PARVA: variants seen among roughly 807,000 people sequenced by gnomAD.
PARVA encodes the protein parvin alpha, also known as alpha-parvin.
PARVA carries 25 observed loss-of-function variants against 52.6 expected under a neutral mutation model. That is an observed-to-expected ratio of 0.48 (90% confidence interval 0.35 to 0.66). PARVA has a LOEUF of 0.66. PARVA is among the 30% of genes least tolerant of loss of function. The pLI, the probability that PARVA is intolerant of heterozygous loss-of-function variation, is 0.01. For missense variants in PARVA, 373 were observed against 450.9 expected, an observed-to-expected ratio of 0.83 and a Z score of 1.56; for synonymous variants, 185 against 179.1, an observed-to-expected ratio of 1.03 and a Z score of -0.26.
At chr11:12,406,540 T>A (rs2134969843) in intron 1 of PARVA, among the ~76,000 whole-genome samples, 1 of 152,254 alleles carries the variant, frequency 6.6e-6, no homozygotes, top group Middle Eastern at 3.4e-3. Context: ...ATGAACATTT[T>A]CCCGTAACAC....
At chr11:12,516,702 C>T (rs563080441) in intron 10 of PARVA, among the ~76,000 whole-genome samples, 19 of 152,344 alleles carry the variant, frequency 1.2e-4, no homozygotes, top group Admixed American at 4.6e-4. Context: ...GTAATAGCAA[C>T]ATTTAATATT....
At position 12,534,404 on chromosome 11, in the gene PARVA, G is replaced by A. The variant is rs1246015601; in HGVS notation, c.*6479G>A. Among the ~76,000 whole-genome samples the A allele has an allele frequency of 6.6e-6, 1 of 152,136 alleles. No individual in the cohort carries two copies. The highest frequency in any genetic ancestry group is 1.5e-5 in the Non-Finnish European group (1 of 68,028). On this transcript the variant is annotated 3_prime_UTR_variant, in exon 13 of 13. Transcript: ENST00000334956. ...CCTGGGCTGAGCAGCCTGTGTTCCT[G>A]CCTCAACTCCCCTGAACCCTCCTGA...
At chr11:12,510,135 T>C (rs987624524) in intron 7 of PARVA, among the ~76,000 whole-genome samples, 1 of 152,158 alleles carries the variant, frequency 6.6e-6, no homozygotes, top group African/African-American at 2.4e-5. Flanking sequence ...TTGATATTGA[T>C]AGTAAACACA....
In PARVA at chr11:12,518,510, G is replaced by A. The variant is rs756278564; in HGVS notation, c.1035G>A (p.Arg345=). 3.7e-6 allele frequency: 6 copies of A among 1,612,446 alleles called. 1 individual carries two copies. The South Asian group carries it at 6.6e-5, about 18-fold the overall frequency. The change falls in exon 12 of 13, where the codon CGG becomes CGA. Residue 345 remains arginine (R), a synonymous_variant. Transcript: ENST00000334956. ...QDGGLEKPKP[R]PEDIVNCDLK... is the part of the protein sequence containing the mutation. ...GAGGGTTGGAAAAGCCAAAACCGCGGCCAGAAGGTACTTTGCTCTTTCCTG... is the reference window on the plus strand; with the variant it reads ...GAGGGTTGGAAAAGCCAAAACCGCGACCAGAAGGTACTTTGCTCTTTCCTG...
chr11:12,434,693 C>T (rs1443107380), intron 1 of PARVA, among the ~76,000 whole-genome samples: 6 of 152,144 alleles, frequency 3.9e-5, no homozygotes, highest in African/African-American at 1.4e-4. Flanking sequence ...GGCCTCTATC[C>T]TTCCAGACCC....
intron 1 of PARVA, among the ~76,000 whole-genome samples, chr11:12,446,405 A>AT (rs1940548446): frequency 2.0e-5 from 3 of 152,204 alleles, no homozygotes; most frequent in East Asian, 3.9e-4. Flanking sequence ...AGGCATTATA[A>AT]TTTTTTTTCC....
chr11:12,441,344 A>AC (rs1355613634), intron 1 of PARVA, among the ~76,000 whole-genome samples: 23 of 137,172 alleles, frequency 1.7e-4, no homozygotes, highest in Non-Finnish European at 3.3e-4. Flanking sequence ...CTGGTAGAAA[A>AC]CTTTTTTTTT....
intron 3 of PARVA, among the ~76,000 whole-genome samples, chr11:12,476,875 T>C (rs563733667): frequency 1.3e-4 from 20 of 152,312 alleles, no homozygotes; most frequent in African/African-American, 4.6e-4. Flanking sequence ...AGCATACTTA[T>C]GCTAAGGCAA....
intron 1 of PARVA, among the ~76,000 whole-genome samples, chr11:12,469,124 A>G (rs1940896101): frequency 6.6e-6 from 1 of 152,202 alleles, no homozygotes; most frequent in Non-Finnish European, 1.5e-5. Context: ...TGTTATGTAC[A>G]GAATTGTTTT....
At chr11:12,458,590 T>G (rs1037539238) in intron 1 of PARVA, among the ~76,000 whole-genome samples, 2 of 151,764 alleles carry the variant, frequency 1.3e-5, no homozygotes, top group Admixed American at 6.6e-5. Flanking sequence ...CCCCACCAGT[T>G]TCCTGTGATT....
rs564248740 is a variant in PARVA, at chr11:12,439,845, C to T, written c.137-33900C>T. On this transcript the variant is annotated intron_variant, in intron 1 of 12. Coordinates refer to ENST00000334956, the MANE Select transcript of PARVA (RefSeq NM_018222.5). The stretch of plus-strand genomic sequence containing the variant: ...TTCCTGAATGTTCCCTATGTATTTG[C>T]ATAACTGGCTCCTTCACTCCAGCCT... 5.3e-5 allele frequency among the ~76,000 whole-genome samples: 8 copies of T among 152,328 alleles called. No individual in the cohort carries two copies. In the South Asian group the frequency reaches 1.5e-3, roughly 28 times the overall value.
At chr11:12,483,295 G>A (rs1034179723) in intron 4 of PARVA, among the ~76,000 whole-genome samples, 3 of 152,204 alleles carry the variant, frequency 2.0e-5, no homozygotes, top group Admixed American at 1.3e-4. Context: ...AAAAGCAGAC[G>A]CCAAGACAAG....
chr11:12,435,701 G>A (rs1212296292), intron 1 of PARVA, among the ~76,000 whole-genome samples: 1 of 152,180 alleles, frequency 6.6e-6, no homozygotes, highest in Admixed American at 6.5e-5. Context: ...AGGGTTTGGA[G>A]TTACACATTA....
chr11:12,442,930 T>C (rs536089459), intron 1 of PARVA, among the ~76,000 whole-genome samples: 1 of 150,078 alleles, frequency 6.7e-6, no homozygotes, highest in East Asian at 2.0e-4. Flanking sequence ...GGTGCGATTT[T>C]GGCTCACTGC....
At chr11:12,398,814 C>T (rs535241009) in intron 1 of PARVA, among the ~76,000 whole-genome samples, 126 of 152,230 alleles carry the variant, frequency 8.3e-4, no homozygotes, top group African/African-American at 2.9e-3. Flanking sequence ...TATACCACTC[C>T]TCTTAACCCA....
At chr11:12,423,439 C>T (rs1256953677) in intron 1 of PARVA, among the ~76,000 whole-genome samples, 5 of 150,134 alleles carry the variant, frequency 3.3e-5, no homozygotes, top group African/African-American at 9.8e-5. Context: ...AGTCTGCCTT[C>T]CTTGGCCTTC....
At chr11:12,423,111 C>T (rs995296066) in intron 1 of PARVA, among the ~76,000 whole-genome samples, 2 of 151,898 alleles carry the variant, frequency 1.3e-5, no homozygotes, top group African/African-American at 2.4e-5. Context: ...ACCTTGGCCT[C>T]TCAAAGTGCT....
intron 4 of PARVA, among the ~76,000 whole-genome samples, chr11:12,483,755 T>C (rs1344113110): frequency 6.6e-6 from 1 of 152,176 alleles, no homozygotes; most frequent in Non-Finnish European, 1.5e-5. Context: ...GTGGGGACAC[T>C]GGCCACTTCT....
At chr11:12,504,735 G>A (rs1481292527) in intron 6 of PARVA, among the ~76,000 whole-genome samples, 2 of 143,152 alleles carry the variant, frequency 1.4e-5, no homozygotes, top group Non-Finnish European at 3.1e-5. Context: ...CGGTATGTAT[G>A]TGAGCTGTGT....
Sources: gnomAD v4.1 joint callset for allele counts (sites outside exome capture counted in the v4.1 genomes callset) on GRCh38, gnomAD v4.1.1 for gene constraint, MANE v1.5 for transcripts, NCBI Gene and HGNC (gene_info 2026-07-23, HGNC 2026-07-21) for gene names.